The following CLNK variants were observed in gnomAD, a reference collection of about 807,000 sequenced individuals.
The protein encoded by CLNK is cytokine-dependent hematopoietic cell linker.
CLNK carries 74 observed loss-of-function variants against 68.6 expected under a neutral mutation model. The ratio of observed to expected loss-of-function variants is 1.08; its 90% confidence interval spans 0.89 to 1.31. The LOEUF (loss-of-function observed/expected upper bound fraction) is 1.31, where lower values mean the gene tolerates loss of function less well. Ranked by LOEUF, CLNK falls within the 50% of genes most tolerant of loss-of-function variation. CLNK has a pLI of 0.00. For missense variants in CLNK, 553 were observed against 515.3 expected (o/e 1.07, Z -0.71); for synonymous variants, 198 against 172.2 (o/e 1.15, Z -1.17).
the CLNK span, among the ~76,000 whole-genome samples, chr4:10,734,276 T>G: frequency 6.6e-6 from 1 of 152,254 alleles, no homozygotes; most frequent in African/African-American, 2.4e-5. Flanking sequence ...CATGCAATGC[T>G]ATAAATCTAC....
chr4:10,552,152 G>A lies in CLNK; in HGVS notation c.445+6255C>T, dbSNP rs118014040. ...ATTACAGGTGTGAGCCACCACGCCCGGCCGAGAATTATAATATTAATAGTA... is the reference window on the plus strand; with the variant it reads ...ATTACAGGTGTGAGCCACCACGCCCAGCCGAGAATTATAATATTAATAGTA... On this transcript the variant is annotated intron_variant, in intron 8 of 18. Coordinates refer to ENST00000226951, the MANE Select transcript of CLNK (RefSeq NM_052964.4). Among the ~76,000 whole-genome samples, 198 of 152,002 alleles carry A rather than the reference G, an allele frequency of 1.3e-3. 3 individuals carry two copies. The East Asian group carries it at 0.025, about 19-fold the overall frequency.
At chr4:10,637,137 C>T (rs1723122708) in intron 2 of CLNK, among the ~76,000 whole-genome samples, 1 of 152,166 alleles carries the variant, frequency 6.6e-6, no homozygotes, top group Admixed American at 6.5e-5. Context: ...TGTGAGGTTG[C>T]TCATCAAAGA....
intron 4 of CLNK, among the ~76,000 whole-genome samples, chr4:10,574,047 T>G (rs1481040785): frequency 6.6e-6 from 1 of 152,238 alleles, no homozygotes; most frequent in African/African-American, 2.4e-5. Flanking sequence ...TTTTGTTGTG[T>G]GTTCTTTAGG....
chr4:10,641,995 T>A (rs4260534), intron 2 of CLNK, among the ~76,000 whole-genome samples: 49,731 of 152,040 alleles, frequency 0.33, 9,373 homozygotes, highest in African/African-American at 0.52. Flanking sequence ...CCCAGCTATG[T>A]GGAACTGTTA....
chr4:10,548,961 T>G (rs935853722), intron 8 of CLNK, among the ~76,000 whole-genome samples: 1 of 152,236 alleles, frequency 6.6e-6, no homozygotes, highest in Non-Finnish European at 1.5e-5. Flanking sequence ...CTTGTTCCTT[T>G]TACTCAAGAT....
chr4:10,669,475 G>A (rs1471312314), intron 1 of CLNK, among the ~76,000 whole-genome samples: 2 of 152,166 alleles, frequency 1.3e-5, no homozygotes, highest in Non-Finnish European at 2.9e-5. Context: ...GGAGCATCAT[G>A]CGCAAAGGTG....
At chr4:10,721,420 A>T in the CLNK span, among the ~76,000 whole-genome samples, 1 of 152,206 alleles carries the variant, frequency 6.6e-6, no homozygotes, top group African/African-American at 2.4e-5. Context: ...AGTTTATTGA[A>T]AAATTAAAAA....
In CLNK at chr4:10,528,073, C is replaced by T; in HGVS notation, c.649+3G>A. On this transcript the variant is annotated splice_donor_region_variant and intron_variant, in intron 13 of 18. Transcript: ENST00000226951. The stretch of plus-strand genomic sequence containing the variant: ...GGTAAGAAAACAAATGTAAACAATT[C>T]ACCTTTTTCTGCTTCAAGGACCTGT... 7.4e-7 allele frequency: 1 copy of T among 1,354,038 alleles called. No individual in the cohort carries two copies. Among genetic ancestry groups the T allele is most frequent in the South Asian group, 1.8e-5 (1 of 55,428 alleles). The allele number at this position is 1,354,038 out of a possible 1,614,324, so 83.9% of individuals were successfully genotyped here. A position where few individuals can be genotyped will look rare whatever the true frequency, so the allele number is the denominator to read the frequency against.
intron 8 of CLNK, among the ~76,000 whole-genome samples, chr4:10,557,736 G>C (rs17467476): frequency 0.16 from 24,334 of 152,184 alleles, 2,040 homozygotes; most frequent in African/African-American, 0.2. Context: ...AAAAGATGGC[G>C]CTAGTAATAC....
intron 5 of CLNK, among the ~76,000 whole-genome samples, chr4:10,569,854 T>C (rs1560220953): frequency 6.6e-6 from 1 of 152,238 alleles, no homozygotes; most frequent in East Asian, 1.9e-4. Flanking sequence ...TTGTTGTTCA[T>C]TGAGAAAATG....
At chr4:10,686,447 T>C (rs899357274), upstream of CLNK, among the ~76,000 whole-genome samples, 27 of 151,680 alleles carry the variant, frequency 1.8e-4, no homozygotes, top group Middle Eastern at 3.2e-3. Flanking sequence ...GATCTAAGAT[T>C]ATCACACTCA....
At chr4:10,642,863 C>T (rs1213564187) in intron 2 of CLNK, among the ~76,000 whole-genome samples, 1 of 152,162 alleles carries the variant, frequency 6.6e-6, no homozygotes, top group Non-Finnish European at 1.5e-5. Flanking sequence ...ATAGTGAACA[C>T]TGATGGTCAT....
At chr4:10,598,660 G>C (rs1324321872) in intron 2 of CLNK, 2 of 444,760 alleles carry the variant, frequency 4.5e-6, no homozygotes, top group African/African-American at 2.0e-5. Flanking sequence ...ATTTTTCATT[G>C]AGTTAATTTG....
chr4:10,718,105 A>G, the CLNK span, among the ~76,000 whole-genome samples: 1 of 152,324 alleles, frequency 6.6e-6, no homozygotes, highest in Admixed American at 6.5e-5. Flanking sequence ...CAAAACCTCA[A>G]TCTATGGGCT....
intron 17 of CLNK, among the ~76,000 whole-genome samples, chr4:10,504,247 A>G (rs1316368867): frequency 6.7e-6 from 1 of 148,494 alleles, no homozygotes; most frequent in Admixed American, 6.9e-5. Context: ...CAGCCTCCTG[A>G]GTGGCTGGGA....
In CLNK at chr4:10,610,202, G is replaced by A. The variant is rs1457787751; in HGVS notation, c.12-12153C>T. Among the ~76,000 whole-genome samples the A allele has an allele frequency of 6.0e-5, 9 of 149,970 alleles. No individual in the cohort carries two copies. The East Asian group carries it at 1.6e-3, about 26-fold the overall frequency. ...CTCCCGAGTAGCTGGGACTACAGGC[G>A]CCCGCCACTGCGCCCGGCTAATTTT... is the stretch of plus-strand genomic sequence containing the variant. On this transcript the variant is annotated intron_variant, in intron 2 of 18. Transcript: ENST00000226951.
chr4:10,514,637 C>T (rs1717749099), intron 15 of CLNK, among the ~76,000 whole-genome samples: 1 of 151,066 alleles, frequency 6.6e-6, no homozygotes, highest in Non-Finnish European at 1.5e-5. Context: ...AGACCAAAAA[C>T]CATAAAAACC....
chr4:10,690,825 A>T, the CLNK span, among the ~76,000 whole-genome samples: 2 of 152,188 alleles, frequency 1.3e-5, no homozygotes, highest in African/African-American at 2.4e-5. Context: ...CTTTGGCACC[A>T]TAAGGGCTCT....
chr4:10,501,200 C>T, intron 18 of CLNK, 56 bp downstream of exon 18: 1 of 1,501,392 alleles, frequency 6.7e-7, no homozygotes, highest in African/African-American at 1.4e-5. Context: ...CCCCCAAACT[C>T]TTCCTTTATT....
Sources: gnomAD v4.1 joint callset for allele counts (sites outside exome capture counted in the v4.1 genomes callset) on GRCh38, gnomAD v4.1.1 for gene constraint, MANE v1.5 for transcripts, NCBI Gene and HGNC (gene_info 2026-07-23, HGNC 2026-07-21) for gene names.